LRMDA: variants seen among roughly 807,000 people sequenced by gnomAD.
LRMDA encodes leucine-rich melanocyte differentiation-associated protein.
In LRMDA, 18 loss-of-function variants were observed where a neutral mutation model predicts 29.8. The observed-to-expected ratio is 0.60, with a 90% confidence interval of 0.42 to 0.90. LRMDA has a LOEUF of 0.90. LRMDA is among the 40% of genes least tolerant of loss of function. The pLI, the probability that LRMDA is intolerant of heterozygous loss-of-function variation, is 0.00. For synonymous variants in LRMDA, 125 were observed against 109.4 expected (o/e 1.14, Z -0.89); for missense variants, 273 against 273.9 (o/e 1.00, Z 0.02).
intron 2 of LRMDA, among the ~76,000 whole-genome samples, chr10:76,007,140 A>G (rs1198082759): frequency 1.3e-5 from 2 of 152,028 alleles, no homozygotes; most frequent in East Asian, 3.9e-4. Context: ...ATCTCATGCT[A>G]GCCAATTTCG....
At chr10:76,395,269 C>T (rs1841770193) in intron 6 of LRMDA, among the ~76,000 whole-genome samples, 1 of 152,190 alleles carries the variant, frequency 6.6e-6, no homozygotes, top group Admixed American at 6.5e-5. Flanking sequence ...ATGACTCCAC[C>T]CCATTGTATC....
At chr10:76,029,750 T>C (rs1356288469) in intron 2 of LRMDA, among the ~76,000 whole-genome samples, 2 of 152,210 alleles carry the variant, frequency 1.3e-5, no homozygotes, top group Non-Finnish European at 2.9e-5. Flanking sequence ...ATTAATACTT[T>C]AGCTTTTTGG....
At chr10:76,046,980 G>T (rs539127368) in intron 3 of LRMDA, among the ~76,000 whole-genome samples, 184 bp from the exon 4 acceptor site, 2 of 152,250 alleles carry the variant, frequency 1.3e-5, no homozygotes, top group East Asian at 3.9e-4. Flanking sequence ...GCGAAAGTTG[G>T]GCTGTGTTCC....
At chr10:76,272,596 C>A (rs1355557219) in intron 5 of LRMDA, among the ~76,000 whole-genome samples, 1 of 152,202 alleles carries the variant, frequency 6.6e-6, no homozygotes, top group Non-Finnish European at 1.5e-5. Flanking sequence ...CAGACTCAGT[C>A]AAGGAACCCT....
chr10:76,388,254 A>G (rs1017233580), intron 6 of LRMDA, among the ~76,000 whole-genome samples: 5 of 152,226 alleles, frequency 3.3e-5, no homozygotes, highest in Non-Finnish European at 1.5e-5. Context: ...GTAACAAGTT[A>G]TACCAAAAGT....
chr10:75,902,385 G>C (rs1479324362), intron 2 of LRMDA, among the ~76,000 whole-genome samples: 1 of 152,156 alleles, frequency 6.6e-6, no homozygotes, highest in Non-Finnish European at 1.5e-5. Flanking sequence ...TATCCCATAG[G>C]GGTGGGAGGG....
intron 6 of LRMDA, among the ~76,000 whole-genome samples, chr10:76,354,798 A>G (rs565092276): frequency 6.6e-6 from 1 of 152,290 alleles, no homozygotes; most frequent in Admixed American, 6.5e-5. Context: ...CACCTCCAAC[A>G]TTTATCATTT....
At chr10:75,640,050 G>C (rs958013276) in intron 2 of LRMDA, among the ~76,000 whole-genome samples, 4 of 152,168 alleles carry the variant, frequency 2.6e-5, no homozygotes, top group African/African-American at 9.7e-5. Context: ...GCTTAGTCTG[G>C]GGTGAAGATG....
intron 6 of LRMDA, among the ~76,000 whole-genome samples, chr10:76,532,065 T>G (rs941205059): frequency 6.6e-6 from 1 of 152,158 alleles, no homozygotes; most frequent in Admixed American, 6.5e-5. Context: ...CTGGGGTACA[T>G]GTGCAGAACA....
chr10:76,167,738 C>T (rs1398297450), intron 5 of LRMDA, among the ~76,000 whole-genome samples: 4 of 152,060 alleles, frequency 2.6e-5, no homozygotes, highest in African/African-American at 9.7e-5. Flanking sequence ...GCTATTTGGG[C>T]TCTTTTTTGG....
At chr10:75,890,856 G>T (rs1289573250) in intron 2 of LRMDA, among the ~76,000 whole-genome samples, 1 of 151,630 alleles carries the variant, frequency 6.6e-6, no homozygotes, top group Non-Finnish European at 1.5e-5. Context: ...TATAATTCCA[G>T]CACTTTGGGA....
chr10:75,802,604 G>T (rs1006459802), intron 2 of LRMDA, among the ~76,000 whole-genome samples: 9 of 152,144 alleles, frequency 5.9e-5, no homozygotes, highest in Non-Finnish European at 1.3e-4. Context: ...ATATCAAAAA[G>T]GGTAGTGTTG....
chr10:75,520,929 T>C (rs572855030), intron 2 of LRMDA, among the ~76,000 whole-genome samples: 2 of 152,318 alleles, frequency 1.3e-5, no homozygotes, highest in East Asian at 3.9e-4. Flanking sequence ...GTTTTCCTTC[T>C]AACAGTCAGG....
At chr10:75,495,849 C>T (rs1412841741) in intron 2 of LRMDA, among the ~76,000 whole-genome samples, 1 of 152,222 alleles carries the variant, frequency 6.6e-6, no homozygotes, top group Non-Finnish European at 1.5e-5. Flanking sequence ...GGTGGTGCTG[C>T]TTGTGGTGGT....
chr10:75,817,499 G>T lies in LRMDA; in HGVS notation c.132-218509G>T, dbSNP rs1344794299. Among the ~76,000 whole-genome samples, 5 of 152,166 alleles carry T rather than the reference G, an allele frequency of 3.3e-5. No homozygotes were observed. The South Asian group carries it at 1.0e-3, about 32-fold the overall frequency. Reference sequence around the variant, plus strand: ...GATACAGTCTGTAGAAATGAAGGGGGAAAATATGTGCTAGAAGTGGTCAGA... The same window carrying T: ...GATACAGTCTGTAGAAATGAAGGGGTAAAATATGTGCTAGAAGTGGTCAGA... On this transcript the variant is annotated intron_variant, in intron 2 of 6. Transcript: ENST00000611255.
chr10:75,832,856 C>T lies in LRMDA; in HGVS notation c.132-203152C>T, dbSNP rs556590426. 5.9e-5 allele frequency among the ~76,000 whole-genome samples: 9 copies of T among 152,234 alleles called. No homozygotes were observed. The South Asian group carries it at 1.7e-3, about 28-fold the overall frequency. On this transcript the variant is annotated intron_variant, in intron 2 of 6. Transcript: ENST00000611255. The stretch of plus-strand genomic sequence containing the variant: ...ATCTCGTGAGACCCATTCACTATCA[C>T]GAGAACAACACGAGAAAGACCTGCC...
intron 2 of LRMDA, among the ~76,000 whole-genome samples, chr10:75,707,392 G>A (rs1487884366): frequency 6.6e-6 from 1 of 152,202 alleles, no homozygotes; most frequent in Non-Finnish European, 1.5e-5. Flanking sequence ...CCAGCAAGGA[G>A]CAATGAAAAG....
chr10:75,681,582 G>A (rs144794468), intron 2 of LRMDA, among the ~76,000 whole-genome samples: 1 of 152,126 alleles, frequency 6.6e-6, no homozygotes, highest in Non-Finnish European at 1.5e-5. Context: ...GACAGAGGTC[G>A]CATGGAGCAT....
intron 6 of LRMDA, among the ~76,000 whole-genome samples, chr10:76,392,174 C>T (rs1381101459): frequency 6.6e-6 from 1 of 151,986 alleles, no homozygotes; most frequent in Non-Finnish European, 1.5e-5. Flanking sequence ...TTAATATATT[C>T]AGTTTATGTA....
Sources: allele counts gnomAD v4.1 joint callset (sites outside exome capture counted in the v4.1 genomes callset), GRCh38; gene constraint gnomAD v4.1.1; transcripts MANE v1.5; gene names NCBI Gene and HGNC (gene_info 2026-07-23, HGNC 2026-07-21).